The following TAF1 variants were observed in gnomAD, a reference collection of about 807,000 sequenced individuals.
TAF1 encodes the protein TATA-box binding protein associated factor 1, also known as transcription initiation factor TFIID subunit 1.
Under a neutral mutation model 138.5 loss-of-function variants are expected in TAF1, and 2 were observed. The observed-to-expected ratio is 0.01, with a 90% CI of 0.01 to 0.05. The LOEUF (loss-of-function observed/expected upper bound fraction) is 0.05, where lower values mean the gene tolerates loss of function less well. Ranked by LOEUF, TAF1 falls within the 10% of genes least tolerant of loss-of-function variation. The pLI, the probability that TAF1 is intolerant of heterozygous loss-of-function variation, is 1.00. For missense variants in TAF1, 709 were observed against 1,478.0 expected, an observed-to-expected ratio of 0.48 and a Z score of 8.53; for synonymous variants, 437 against 503.2, an observed-to-expected ratio of 0.87 and a Z score of 1.76.
chrX:71,418,372 C>T lies in TAF1; in HGVS notation c.4385-2937C>T, dbSNP rs985437800. On this transcript the variant is annotated intron_variant, in intron 28 of 37. Coordinates refer to ENST00000423759, the MANE Select transcript of TAF1 (RefSeq NM_004606.5). ...TCAGTCTCACAAAGTGTTGAGTTTACAGGCGTGAGCCACTGTGTCTGGCCT... is the reference window on the plus strand; with the variant it reads ...TCAGTCTCACAAAGTGTTGAGTTTATAGGCGTGAGCCACTGTGTCTGGCCT... 7.1e-5 allele frequency among the ~76,000 whole-genome samples: 8 copies of T among 112,885 alleles called. 1 individual carries two copies.
At chrX:71,382,422 G>T in intron 9 of TAF1, 114 bp from the exon 10 acceptor site, 1 of 1,038,940 alleles carries the variant, frequency 9.6e-7, no homozygotes, top group East Asian at 3.1e-5. Context: ...GAAAGGTCTA[G>T]TTAAGACCTT....
At chrX:71,383,865 A>G in intron 12 of TAF1, 97 bp from the exon 13 acceptor site, 1 of 986,767 alleles carries the variant, frequency 1.0e-6, no homozygotes, top group Non-Finnish European at 1.4e-6. Flanking sequence ...GAAAATAGGT[A>G]AAATGTTTTT....
Position 71,454,175 on chromosome X carries a change from G to A in TAF1, c.4759G>A (p.Glu1587Lys). The A allele has an allele frequency of 8.3e-7, 1 of 1,207,912 alleles. No individual in the cohort carries two copies. Among genetic ancestry groups the A allele is most frequent in the Non-Finnish European group, 1.1e-6 (1 of 892,426 alleles). ...LANSVKYNGPESQYTKTAQEI... is the reference protein window; with the variant it reads ...LANSVKYNGPKSQYTKTAQEI... ...CTTTCTTATTTTATTTATAGGACCTGAGAGTCAGTATACTAAGACTGCCCA... is the reference window on the plus strand; with the variant it reads ...CTTTCTTATTTTATTTATAGGACCTAAGAGTCAGTATACTAAGACTGCCCA... The change falls in exon 33 of 38, where the codon GAG becomes AAG. Residue 1587 changes from glutamate to lysine, a missense_variant. By Grantham distance (56) the Glu-to-Lys change is moderately conservative (BLOSUM62 1). Around this residue, in one of 14 missense-constraint regions of TAF1, gnomAD observed 36 missense variants for 47.3 expected, o/e 0.76. Coordinates refer to ENST00000423759, the MANE Select transcript of TAF1 (RefSeq NM_004606.5).
intron 28 of TAF1, among the ~76,000 whole-genome samples, chrX:71,418,761 A>ATTTTTTTTT (rs1259701142): frequency 1.4e-5 from 1 of 70,652 alleles, no homozygotes; most frequent in Non-Finnish European, 2.6e-5. Context: ...CAGTATGGAG[A>ATTTTTTTTT]TTTTTTTTTT....
At chrX:71,473,049 A>G (rs1173934398) in intron 13 of TAF1, among the ~76,000 whole-genome samples, 1 of 112,229 alleles carries the variant, frequency 8.9e-6, no homozygotes, top group South Asian at 3.6e-4. Flanking sequence ...TCACTTGTTC[A>G]ATAAACATTC....
chrX:71,471,003 G>A, downstream of TAF1, among the ~76,000 whole-genome samples: 1 of 108,010 alleles, frequency 9.3e-6, no homozygotes, highest in South Asian at 4.2e-4. Flanking sequence ...CTGGACAACA[G>A]AGAAAGACCA....
chrX:71,382,263 A>G (rs930352263), intron 9 of TAF1, among the ~76,000 whole-genome samples: 1 of 111,370 alleles, frequency 9.0e-6, no homozygotes, highest in Admixed American at 9.6e-5. Context: ...CTCATGTAGG[A>G]CTGTCGGAAA....
chrX:71,473,000 T>C (rs1284303812), intron 13 of TAF1, among the ~76,000 whole-genome samples: 8 of 112,501 alleles, frequency 7.1e-5, no homozygotes, highest in African/African-American at 1.9e-4. Context: ...TTGACAACTT[T>C]AGATATTATT....
At chrX:71,412,665 G>A (rs959083665) in intron 28 of TAF1, among the ~76,000 whole-genome samples, 2 of 111,972 alleles carry the variant, frequency 1.8e-5, no homozygotes, top group African/African-American at 6.5e-5. Context: ...TCCGCTCACT[G>A]CAACCTCCAC....
At chrX:71,384,795 T>A (rs1463946368) in intron 13 of TAF1, 150 bp from the exon 14 acceptor site, 2 of 428,512 alleles carry the variant, frequency 4.7e-6, no homozygotes, top group Non-Finnish European at 7.8e-6. Flanking sequence ...AACTGGTAAG[T>A]ATAATGCAAC....
chrX:71,481,172 G>C (rs760956062), intron 13 of TAF1, among the ~76,000 whole-genome samples: 10 of 111,474 alleles, frequency 9.0e-5, no homozygotes, highest in Non-Finnish European at 1.5e-4. Flanking sequence ...CCAGCTACTC[G>C]GGAGGCTGAG....
At chrX:71,467,027 A>T (rs2038774505), downstream of TAF1, among the ~76,000 whole-genome samples, 1 of 103,522 alleles carries the variant, frequency 9.7e-6, no homozygotes, top group Non-Finnish European at 2.0e-5. Flanking sequence ...CTTAAAAAAA[A>T]CCATGAAGAG....
At chrX:71,468,547 G>T (rs1376253784), downstream of TAF1, among the ~76,000 whole-genome samples, 1 of 108,157 alleles carries the variant, frequency 9.2e-6, no homozygotes, top group African/African-American at 3.4e-5. Context: ...TTAGCTGGGC[G>T]TGGTGGCAGG....
At chrX:71,437,312 ATAC>A (rs1195098996) in intron 32 of TAF1, among the ~76,000 whole-genome samples, 1 of 111,217 alleles carries the variant, frequency 9.0e-6, no homozygotes, top group Non-Finnish European at 1.9e-5. Context: ...TATTTCCATA[ATAC>A]TAGTTTCTAA....
chrX:71,438,299 C>A (rs189176152), intron 32 of TAF1, among the ~76,000 whole-genome samples: 2 of 111,500 alleles, frequency 1.8e-5, no homozygotes, highest in Admixed American at 1.9e-4. Flanking sequence ...TCCTGGTAAC[C>A]TCTATTCTAG....
At chrX:71,466,731 C>T (rs1382510817), downstream of TAF1, among the ~76,000 whole-genome samples, 1 of 110,966 alleles carries the variant, frequency 9.0e-6, no homozygotes, top group Non-Finnish European at 1.9e-5. Context: ...TGACCTCAAG[C>T]GATCCACCTA....
At chrX:71,392,839 G>T in intron 19 of TAF1, 36 bp from the exon 20 acceptor site, 6 of 1,207,400 alleles carry the variant, frequency 5.0e-6, no homozygotes, top group Non-Finnish European at 6.7e-6. Flanking sequence ...AGGAATTCAG[G>T]TTTTTAGGAG....
chrX:71,381,707 TTC>T, intron 8 of TAF1, 34 bp from the exon 9 acceptor site: 1 of 1,189,847 alleles, frequency 8.4e-7, no homozygotes. Flanking sequence ...CATAAATGTT[TTC>T]TCTGTTACTA....
intron 12 of TAF1, 57 bp downstream of exon 12, chrX:71,383,221 G>C (rs1345166265): frequency 8.9e-7 from 1 of 1,118,281 alleles, no homozygotes; most frequent in Non-Finnish European, 1.2e-6. Context: ...TATAAATTAA[G>C]GGAATGTACC....
Sources: allele counts gnomAD v4.1 joint callset (sites outside exome capture counted in the v4.1 genomes callset), GRCh38; gene constraint gnomAD v4.1.1; regional missense constraint gnomAD v4.1.1; transcripts MANE v1.5; gene names NCBI Gene and HGNC (gene_info 2026-07-23, HGNC 2026-07-21).